Variants in PCSK2 observed in about 807,000 individuals in gnomAD.
PCSK2 encodes neuroendocrine convertase 2.
Under a neutral mutation model 69.7 loss-of-function variants are expected in PCSK2, and 14 were observed. The ratio of observed to expected loss-of-function variants is 0.20; its 90% CI spans 0.13 to 0.31. The LOEUF is 0.31. Ranked by LOEUF, PCSK2 falls within the 10% of genes least tolerant of loss-of-function variation. The pLI is 1.00. For synonymous variants in PCSK2, 307 were observed against 320.7 expected (o/e 0.96, Z 0.46); for missense variants, 544 against 842.5 (o/e 0.65, Z 4.39).
rs555371723 is a variant in PCSK2 at position 17,235,773 on chromosome 20, T to G, written c.177+8291T>G. ...GTAGTAGACAATTGAATATCTTTCC[T>G]CTTAAGATTTAAACAATGACACACA... On this transcript the variant is annotated intron_variant, in intron 1 of 11. Transcript: ENST00000262545. Among the ~76,000 whole-genome samples the G allele has an allele frequency of 2.0e-5, 3 of 152,250 alleles. No individual in the cohort carries two copies. The East Asian group carries it at 5.8e-4, about 29-fold the overall frequency.
At chr20:17,392,274 G>A (rs572860412) in intron 5 of PCSK2, among the ~76,000 whole-genome samples, 1 of 152,100 alleles carries the variant, frequency 6.6e-6, no homozygotes, top group Non-Finnish European at 1.5e-5. Flanking sequence ...CTCACAACCT[G>A]CCCAGTGGTC....
intron 4 of PCSK2, among the ~76,000 whole-genome samples, chr20:17,366,026 C>T (rs569734861): frequency 2.4e-3 from 362 of 152,294 alleles, no homozygotes; most frequent in Non-Finnish European, 4.5e-3. Flanking sequence ...CCCCACAGCT[C>T]CACTGGGCTT....
Position 17,291,385 on chromosome 20 carries a change from TTTG to T in PCSK2, c.282+31044_282+31046del, listed in dbSNP as rs1988689662. On this transcript the variant is annotated intron_variant, in intron 2 of 11. Transcript: ENST00000262545. The stretch of plus-strand genomic sequence containing the variant: ...CTTCCTTGTTTTTGTTGTGTTTTGT[TTTG>T]TTTTGTTTTTGTTTACAGACAAATG... Among the ~76,000 whole-genome samples the T allele has an allele frequency of 2.0e-5, 3 of 152,210 alleles. No individual in the cohort carries two copies. In the South Asian group the frequency reaches 6.2e-4, roughly 31 times the overall value.
At chr20:17,269,274 T>G (rs1209767226) in intron 2 of PCSK2, among the ~76,000 whole-genome samples, 1 of 152,074 alleles carries the variant, frequency 6.6e-6, no homozygotes, top group African/African-American at 2.4e-5. Flanking sequence ...GAAATGAGTG[T>G]AGATATAGAA....
chr20:17,446,126 C>A (rs1268376370), intron 8 of PCSK2, among the ~76,000 whole-genome samples: 1 of 152,204 alleles, frequency 6.6e-6, no homozygotes, highest in Non-Finnish European at 1.5e-5. Flanking sequence ...CTCAGCAGCA[C>A]CTCTGACATC....
chr20:17,425,019 G>T (rs1183162692), intron 6 of PCSK2, among the ~76,000 whole-genome samples: 6 of 148,864 alleles, frequency 4.0e-5, no homozygotes, highest in South Asian at 2.1e-4. Context: ...CAAGCAATAC[G>T]CCCACCTTGG....
intron 2 of PCSK2, among the ~76,000 whole-genome samples, chr20:17,347,787 CGAAAGAAA>C (rs58349005): frequency 0.12 from 5,774 of 48,264 alleles, 471 homozygotes; most frequent in Non-Finnish European, 0.13. Context: ...GACACATAGA[CGAAAGAAA>C]GAAAGAAAGA....
At chr20:17,226,543 G>A (rs1181713421), upstream of PCSK2, among the ~76,000 whole-genome samples, 3 of 151,746 alleles carry the variant, frequency 2.0e-5, no homozygotes, top group Non-Finnish European at 4.4e-5. Flanking sequence ...AAGAGAGAGA[G>A]AGAGAGAGAG....
Position 17,227,081 on chromosome 20 carries a change from C to T in PCSK2, c.-225C>T, listed in dbSNP as rs1170007059. 2.4e-5 allele frequency: 13 copies of T among 550,652 alleles called. No individual in the cohort carries two copies. Among genetic ancestry groups the T allele is most frequent in the Non-Finnish European group, 3.9e-5 (12 of 311,312 alleles). 34.1% of individuals were successfully genotyped at this position (550,652 alleles called of 1,614,324 possible). On this transcript the variant is annotated 5_prime_UTR_variant, in exon 1 of 12. Coordinates refer to ENST00000262545, the MANE Select transcript of PCSK2 (RefSeq NM_002594.5). ...ACACACAGCTCCCCACATTCGCACC[C>T]CTGCCCGCGCGCCGGGCCGCCTGAC...
chr20:17,421,556 C>A lies in PCSK2; in HGVS notation c.621-7879C>A, dbSNP rs150279203. Among the ~76,000 whole-genome samples, 1,146 of 152,224 alleles carry A rather than the reference C, an allele frequency of 7.5e-3. 9 individuals are homozygous for A. Among genetic ancestry groups the A allele is most frequent in the South Asian group, 0.022 (104 of 4,814 alleles). ...AAAGCCAAGGGTGAAAAGACTGCAG[C>A]TGGCCACCATGGGTCTTCTGTTGTC... On this transcript the variant is annotated intron_variant, in intron 6 of 11. Transcript: ENST00000262545.
chr20:17,460,272 A>AAAAAGAAAGAAAG (rs1376142973), intron 10 of PCSK2, among the ~76,000 whole-genome samples: 3 of 152,172 alleles, frequency 2.0e-5, no homozygotes, highest in Non-Finnish European at 4.4e-5. Flanking sequence ...AGAAAAATAA[A>AAAAAGAAAGAAAG]AAAAGAAAGA....
intron 2 of PCSK2, among the ~76,000 whole-genome samples, chr20:17,336,240 C>G (rs1990346611): frequency 6.6e-6 from 1 of 152,196 alleles, no homozygotes; most frequent in Non-Finnish European, 1.5e-5. Context: ...GTTGCTGCCT[C>G]TGAGCTGGAA....
chr20:17,275,105 AT>A (rs1568580367), intron 2 of PCSK2, among the ~76,000 whole-genome samples: 1 of 147,390 alleles, frequency 6.8e-6, no homozygotes, highest in Non-Finnish European at 1.5e-5. Context: ...ATATATATAT[AT>A]ATATATAATG....
At chr20:17,342,456 C>T (rs1990534635) in intron 2 of PCSK2, among the ~76,000 whole-genome samples, 1 of 152,004 alleles carries the variant, frequency 6.6e-6, no homozygotes, top group South Asian at 2.1e-4. Flanking sequence ...GTAGCTGGGA[C>T]TACAGGCATG....
intron 2 of PCSK2, among the ~76,000 whole-genome samples, chr20:17,306,101 A>G (rs1989317917): frequency 6.6e-6 from 1 of 152,178 alleles, no homozygotes; most frequent in South Asian, 2.1e-4. Context: ...CTAAAACACA[A>G]TTATATGGAC....
intron 2 of PCSK2, among the ~76,000 whole-genome samples, chr20:17,311,089 A>ATT (rs1180234769): frequency 1.3e-5 from 2 of 152,066 alleles, no homozygotes; most frequent in African/African-American, 4.8e-5. Context: ...AATTAGAAAG[A>ATT]TCAACAACTA....
At chr20:17,358,551 G>A (rs1459372572) in intron 3 of PCSK2, 111 bp downstream of exon 3, 1 of 657,334 alleles carries the variant, frequency 1.5e-6, no homozygotes, top group East Asian at 2.7e-5. Flanking sequence ...CCAACCCAGT[G>A]ACCCTCTCTG....
intron 2 of PCSK2, among the ~76,000 whole-genome samples, chr20:17,284,022 C>T (rs1210907672): frequency 2.0e-5 from 3 of 152,156 alleles, no homozygotes; most frequent in African/African-American, 4.8e-5. Flanking sequence ...ACATTTATAT[C>T]GTTCACAGGA....
intron 4 of PCSK2, among the ~76,000 whole-genome samples, chr20:17,362,592 G>A (rs1381239081): frequency 1.3e-5 from 2 of 152,126 alleles, no homozygotes; most frequent in African/African-American, 4.8e-5. Context: ...CCTCCAGCAA[G>A]GTAGATGGAT....
Sources: allele counts gnomAD v4.1 joint callset (sites outside exome capture counted in the v4.1 genomes callset), GRCh38; gene constraint gnomAD v4.1.1; transcripts MANE v1.5; gene names NCBI Gene and HGNC (gene_info 2026-07-23, HGNC 2026-07-21).